The following ANKRD11 variants were observed in gnomAD, a reference collection of about 807,000 sequenced individuals.
The protein encoded by ANKRD11 is ankyrin repeat domain 11.
Under a neutral mutation model 195.7 loss-of-function variants are expected in ANKRD11, and 17 were observed. The observed-to-expected ratio is 0.09, with a 90% confidence interval of 0.06 to 0.13. The LOEUF is 0.13. Ranked by LOEUF, ANKRD11 falls within the 10% of genes least tolerant of loss-of-function variation. The probability of loss-of-function intolerance (pLI) is 1.00; values close to 1 mark genes in which losing one functional copy is unlikely to be tolerated. For missense variants in ANKRD11, 3,735 were observed against 3,566.1 expected (o/e 1.05, Z -1.21); for synonymous variants, 1,953 against 1,528.1 (o/e 1.28, Z -6.49).
At chr16:89,293,293 C>T (rs941806519) in intron 4 of ANKRD11, among the ~76,000 whole-genome samples, 3 of 152,168 alleles carry the variant, frequency 2.0e-5, no homozygotes, top group Admixed American at 6.5e-5. Context: ...CTCCTGGGAG[C>T]AGACGGCATC....
intron 3 of ANKRD11, among the ~76,000 whole-genome samples, chr16:89,307,218 CTCA>C (rs1318458773): frequency 6.6e-6 from 1 of 152,228 alleles, no homozygotes; most frequent in Non-Finnish European, 1.5e-5. Flanking sequence ...CACCGGAGGC[CTCA>C]GCTGCTCCAG....
In ANKRD11 at chr16:89,291,276, C is replaced by T. The variant is rs1315488632; in HGVS notation, c.227-93G>A. 6.1e-6 allele frequency: 9 copies of T among 1,472,176 alleles called. No homozygotes were observed. Among genetic ancestry groups the T allele is most frequent in the South Asian group, 2.3e-5 (2 of 86,046 alleles). The allele number at this position is 1,472,176 out of a possible 1,614,324, so 91.2% of individuals were successfully genotyped here. On this transcript the variant is annotated intron_variant, in intron 4 of 12. Transcript: ENST00000301030. This position sits in a 1 kb window ranked among gnomAD's most constrained non-coding sequence, Gnocchi z 5.3. ...TTACCTAATGTTACGGAGCCCCCTG[C>T]GTCCACCTGACAGCTGACAGAGCAG...
chr16:89,278,312 A>G (rs2033834616), intron 9 of ANKRD11: 1 of 353,312 alleles, frequency 2.8e-6, no homozygotes. Flanking sequence ...CCCAGTGGGT[A>G]GGAGGAGGTG....
chr16:89,361,979 G>A (rs1295574932), intron 2 of ANKRD11, among the ~76,000 whole-genome samples: 1 of 152,324 alleles, frequency 6.6e-6, no homozygotes, highest in East Asian at 1.9e-4. Flanking sequence ...CCAGGGGCTT[G>A]TGAGAGTGGC....
At chr16:89,475,204 A>C (rs1046493292) in intron 1 of ANKRD11, among the ~76,000 whole-genome samples, 2 of 152,228 alleles carry the variant, frequency 1.3e-5, no homozygotes, top group African/African-American at 4.8e-5. Context: ...GTAGGAAAAA[A>C]GGCAATGACC....
rs35997704 is a variant in ANKRD11 at position 89,489,225 on chromosome 16, ACGCGCGCGCGCG to A, written c.-145+1008_-145+1019del. ...GGGCCAACCCTACACACACACACAC[ACGCGCGCGCGCG>A]CGCGCGCGCACACACATACACCACA... is the stretch of plus-strand genomic sequence containing the variant. On this transcript the variant is annotated intron_variant, in intron 1 of 12. Coordinates refer to ENST00000301030, the MANE Select transcript of ANKRD11 (RefSeq NM_013275.6). The A allele has an allele frequency of 2.0e-3, 303 of 148,960 alleles. 2 individuals carry two copies. Among genetic ancestry groups the A allele is most frequent in the African/African-American group, 7.1e-3 (286 of 40,410 alleles). 9.2% of individuals were successfully genotyped at this position (148,960 alleles called of 1,614,324 possible).
At chr16:89,474,166 G>A (rs962989196) in intron 1 of ANKRD11, among the ~76,000 whole-genome samples, 1 of 151,968 alleles carries the variant, frequency 6.6e-6, no homozygotes, top group African/African-American at 2.4e-5. Context: ...TCCCCCACTC[G>A]AGCCTCTGAT....
chr16:89,331,110 T>G (rs1045951742), intron 2 of ANKRD11, among the ~76,000 whole-genome samples: 1 of 152,100 alleles, frequency 6.6e-6, no homozygotes, highest in Admixed American at 6.6e-5. Flanking sequence ...CCTGCCACCA[T>G]GCCCGGCTAA....
intron 2 of ANKRD11, among the ~76,000 whole-genome samples, chr16:89,404,159 C>A (rs2041815179): frequency 1.3e-5 from 2 of 152,272 alleles, no homozygotes; most frequent in South Asian, 4.1e-4. Flanking sequence ...GTCATGGACA[C>A]AGCCCACAGG....
At chr16:89,341,509 C>T (rs940079434) in intron 2 of ANKRD11, among the ~76,000 whole-genome samples, 1 of 152,156 alleles carries the variant, frequency 6.6e-6, no homozygotes, top group African/African-American at 2.4e-5. Flanking sequence ...CGGCTCTAAA[C>T]ATATGTGCAG....
chr16:89,376,460 C>T (rs1175356731), intron 2 of ANKRD11, among the ~76,000 whole-genome samples: 6 of 152,086 alleles, frequency 3.9e-5, no homozygotes, highest in Non-Finnish European at 8.8e-5. Flanking sequence ...TTTTTTGAGT[C>T]AGACTCTTGT....
rs1263646818 is a variant in ANKRD11 at position 89,375,810 on chromosome 16, C to A, written c.-60+42474G>T. Among the ~76,000 whole-genome samples, 4 of 144,962 alleles carry A rather than the reference C, an allele frequency of 2.8e-5. No individual in the cohort carries two copies. In the East Asian group the frequency reaches 8.3e-4, roughly 30 times the overall value. On this transcript the variant is annotated intron_variant, in intron 2 of 12. Coordinates refer to ENST00000301030, the MANE Select transcript of ANKRD11 (RefSeq NM_013275.6). ...AAAAAGCCTCTTGCAGTTCTCAAGTCTTTTTCATTGTGTTTACTCAATACC... is the reference window on the plus strand; with the variant it reads ...AAAAAGCCTCTTGCAGTTCTCAAGTATTTTTCATTGTGTTTACTCAATACC...
chr16:89,420,014 A>G (rs2042447680), intron 1 of ANKRD11: 3 of 152,272 alleles, frequency 2.0e-5, no homozygotes, highest in African/African-American at 7.2e-5. Context: ...TCTCTACAAA[A>G]AATTCAAAAA....
At chr16:89,488,579 A>G (rs1164273459) in intron 1 of ANKRD11, among the ~76,000 whole-genome samples, 4 of 152,200 alleles carry the variant, frequency 2.6e-5, no homozygotes, top group Non-Finnish European at 5.9e-5. Context: ...AGAGAAACCA[A>G]AGAAACAGCC....
intron 2 of ANKRD11, chr16:89,360,499 G>C (rs1000583816): frequency 6.6e-6 from 1 of 152,130 alleles, no homozygotes; most frequent in Admixed American, 6.5e-5. Context: ...AAATTTAAAA[G>C]ATTAAAAAAC....
At chr16:89,366,250 A>T (rs2039946305) in intron 2 of ANKRD11, among the ~76,000 whole-genome samples, 1 of 151,786 alleles carries the variant, frequency 6.6e-6, no homozygotes, top group Non-Finnish European at 1.5e-5. Flanking sequence ...GCTCATGTGG[A>T]TTCCATGTCT....
Position 89,284,892 on chromosome 16 carries a change from A to G in ANKRD11, c.1650T>C (p.Asn550=), listed in dbSNP as rs763666225. The G allele has an allele frequency of 2.5e-6, 4 of 1,613,938 alleles. No homozygotes were observed. The highest frequency in any genetic ancestry group is 3.4e-6 in the Non-Finnish European group (4 of 1,180,012). The change falls in exon 9 of 13, where the codon AAT becomes AAC. Residue 550 remains asparagine, a synonymous_variant. Coordinates refer to ENST00000301030, the MANE Select transcript of ANKRD11 (RefSeq NM_013275.6). ...AAGCCGGGGAAGAAATGGTTTTCCA[A>G]TTGTCTGTCCGCCAGTGCTTGGTGT... The part of the protein sequence containing the change: ...DQHTKHWRTD[N]WKTISSPAWS...
At chr16:89,372,862 C>T (rs744327) in intron 2 of ANKRD11, 77,089 of 152,002 alleles carry the variant, frequency 0.51, 19,940 homozygotes, top group Middle Eastern at 0.71. Flanking sequence ...CCTGCACCAC[C>T]CGTTCATCAG....
chr16:89,333,923 C>G (rs1443666259), intron 2 of ANKRD11, among the ~76,000 whole-genome samples: 1 of 152,038 alleles, frequency 6.6e-6, no homozygotes, highest in African/African-American at 2.4e-5. Context: ...TACTTTCTCA[C>G]CACTGGAAGC....
Sources: allele counts gnomAD v4.1 joint callset (sites outside exome capture counted in the v4.1 genomes callset), GRCh38; gene constraint gnomAD v4.1.1; non-coding constraint Gnocchi (gnomAD v3.1); transcripts MANE v1.5; gene names NCBI Gene and HGNC (gene_info 2026-07-23, HGNC 2026-07-21).